The following MSH5 variants were observed in gnomAD, a reference collection of about 807,000 sequenced individuals.
The protein encoded by MSH5 is mutS homolog 5, also known as mutS protein homolog 5.
Under a neutral mutation model 107.7 loss-of-function variants are expected in MSH5, and 78 were observed. The observed-to-expected ratio is 0.72, with a 90% CI of 0.60 to 0.87. The LOEUF (loss-of-function observed/expected upper bound fraction) is 0.87, where lower values mean the gene tolerates loss of function less well. MSH5 is among the 40% of genes least tolerant of loss of function. The pLI, the probability that MSH5 is intolerant of heterozygous loss-of-function variation, is 0.00. For synonymous variants in MSH5, 326 were observed against 399.5 expected (o/e 0.82, Z 2.19); for missense variants, 889 against 1,046.6 (o/e 0.85, Z 2.08).
chr6:31,741,254 C>T lies in MSH5; in HGVS notation c.239C>T (p.Pro80Leu). The change falls in exon 3 of 25, where the codon CCA (proline) becomes CTA (leucine). Residue 80 changes from proline to leucine, a missense_variant. By Grantham distance (98) the Pro-to-Leu change is moderately conservative (BLOSUM62 -3). This residue lies in a region of MSH5 where 518 missense variants were observed against 565.0 expected (regional missense o/e 0.92). Coordinates refer to ENST00000375750, the MANE Select transcript of MSH5 (RefSeq NM_172166.4). ...DSTIHFMPDA[P>L]DHESLKLLQR... is the part of the protein sequence containing the mutation. ...ACTATCCACTTCATGCCAGATGCCC[C>T]AGACCACGAGAGCCTCAAGCTTCTC... 1 of 1,612,756 alleles carries T rather than the reference C, an allele frequency of 6.2e-7. No individual in the cohort carries two copies. Among genetic ancestry groups the T allele is most frequent in the Non-Finnish European group, 8.5e-7 (1 of 1,179,970 alleles).
chr6:31,740,837 T>A lies in MSH5; in HGVS notation c.147+224T>A, dbSNP rs1221128975. On this transcript the variant is annotated intron_variant, in intron 2 of 24. Coordinates refer to ENST00000375750, the MANE Select transcript of MSH5 (RefSeq NM_172166.4). This position sits in a 1 kb window ranked among gnomAD's most constrained non-coding sequence, Gnocchi z 4.4. Reference sequence around the variant, plus strand: ...TTAGCCGAGCGTGGTGGCACGTGCCTGTTATCCCAGCTACTGGGAAGGCTG... The same window carrying A: ...TTAGCCGAGCGTGGTGGCACGTGCCAGTTATCCCAGCTACTGGGAAGGCTG... Among the ~76,000 whole-genome samples, 1 of 152,068 alleles carries A rather than the reference T, an allele frequency of 6.6e-6. No homozygotes were observed. The highest frequency in any genetic ancestry group is 1.5e-5 in the Non-Finnish European group (1 of 67,996).
intron 3 of MSH5, 91 bp downstream of exon 3, chr6:31,741,377 ACACACATAT>A (rs1452158076): frequency 4.4e-6 from 4 of 899,392 alleles, no homozygotes; most frequent in Admixed American, 5.6e-5. Flanking sequence ...ACACACACAC[ACACACATAT>A]TTTTTTTTTC....
At chr6:31,762,275 C>G in intron 24 of MSH5, 90 bp downstream of exon 24, 1 of 1,486,644 alleles carries the variant, frequency 6.7e-7, no homozygotes, top group Non-Finnish European at 9.4e-7. Context: ...TCCTCCAGCA[C>G]TTTGCCCTTC....
rs1583904831 is a variant in MSH5, at chr6:31,743,900, A to G, written c.416-4A>G. 6.2e-7 allele frequency: 1 copy of G among 1,612,646 alleles called. No homozygotes were observed. The highest frequency in any genetic ancestry group is 1.7e-5 in the Admixed American group (1 of 59,886). ...CGTTCCCTTTGCTTGCCTCCCTCAA[A>G]TAGGTCTGGAGATAAGCAAACAACG... On this transcript the variant is annotated splice_region_variant and splice_polypyrimidine_tract_variant and intron_variant, in intron 5 of 24. Transcript: ENST00000375750.
At chr6:31,741,386 T>TA in intron 3 of MSH5, 100 bp downstream of exon 3, 5 of 1,052,058 alleles carry the variant, frequency 4.8e-6, no homozygotes, top group Non-Finnish European at 6.6e-6. Flanking sequence ...CACACACATA[T>TA]TTTTTTTTTC....
At chr6:31,754,514 CGTTT>C (rs1364135520) in intron 12 of MSH5, among the ~76,000 whole-genome samples, 2 of 151,824 alleles carry the variant, frequency 1.3e-5, no homozygotes, top group Non-Finnish European at 2.9e-5. Flanking sequence ...GTTTTGTTGT[CGTTT>C]GTTTGTTTTT....
intron 12 of MSH5, 197 bp from the exon 13 acceptor site, chr6:31,757,968 C>T: frequency 1.5e-6 from 1 of 673,054 alleles, no homozygotes; most frequent in East Asian, 2.7e-5. Context: ...CTGTGCCTGG[C>T]CAGGACCATA....
chr6:31,759,720 G>C lies in MSH5; in HGVS notation c.1496-66G>C. On this transcript the variant is annotated intron_variant, in intron 17 of 24. Coordinates refer to ENST00000375750, the MANE Select transcript of MSH5 (RefSeq NM_172166.4). The surrounding 1 kb of genome is among the most constrained non-coding windows in gnomAD (Gnocchi z 4.7). ...CAACCTGTTTCCAGATCCCCCTAGG[G>C]GCCTCTGCCTCTCCTTCACTTTCCC... is the stretch of plus-strand genomic sequence containing the variant. 6.4e-7 allele frequency: 1 copy of C among 1,562,034 alleles called. No homozygotes were observed. The highest frequency in any genetic ancestry group is 8.7e-7 in the Non-Finnish European group (1 of 1,146,434).
At chr6:31,757,775 T>G in intron 12 of MSH5, 1 of 260,540 alleles carries the variant, frequency 3.8e-6, no homozygotes, top group Non-Finnish European at 7.3e-6. Flanking sequence ...GTTCAAGAGA[T>G]TCTCCTGCCT....
rs1445333246 is a variant in MSH5, at chr6:31,760,162, G to A, written c.1758G>A (p.Arg586=). 1.9e-6 allele frequency: 3 copies of A among 1,611,702 alleles called. No homozygotes were observed. The highest frequency in any genetic ancestry group is 2.7e-5 in the African/African-American group (2 of 74,840). Residue 586 remains arginine, a synonymous_variant, in exon 19 of 25, where the codon AGG becomes AGA. Coordinates refer to ENST00000375750, the MANE Select transcript of MSH5 (RefSeq NM_172166.4). The surrounding 1 kb of genome is among the most constrained non-coding windows in gnomAD (Gnocchi z 5.6). ...NSTECGGDKG[R]VKVITGPNSS... ...CAGAATGTGGTGGGGACAAAGGGAG[G>A]GTCAAAGTCATCACTGGACCCAACT...
rs995088129 is a variant in MSH5, at chr6:31,761,371, C to T, written c.2038-101C>T. 9 of 1,602,944 alleles carry T rather than the reference C, an allele frequency of 5.6e-6. No individual in the cohort carries two copies. The African/African-American group carries it at 8.0e-5, about 14-fold the overall frequency. ...CTGGAATGGAATAGGGCTGTGTGGG[C>T]AGAAAAGAAATAGAACACGAGACAG... On this transcript the variant is annotated intron_variant, in intron 21 of 24. Transcript: ENST00000375750. This position sits in a 1 kb window ranked among gnomAD's most constrained non-coding sequence, Gnocchi z 5.3.
In MSH5 at chr6:31,758,991, C is replaced by CT. The variant is rs764437973; in HGVS notation, c.1327-100dup. 1.4e-6 allele frequency: 2 copies of CT among 1,419,584 alleles called. No homozygotes were observed. The highest frequency in any genetic ancestry group is 1.7e-5 in the Admixed American group (1 of 59,100). 87.9% of individuals were successfully genotyped at this position (1,419,584 alleles called of 1,614,324 possible). A position where few individuals can be genotyped will look rare whatever the true frequency, so the allele number is the denominator to read the frequency against. ...TGGGGCAGCCTGAAGAACATGAACA[C>CT]TTTTTTGTGGGGATACAGGGATCTT... On this transcript the variant is annotated intron_variant, in intron 15 of 24. Transcript: ENST00000375750. This position sits in a 1 kb window ranked among gnomAD's most constrained non-coding sequence, Gnocchi z 5.1.
intron 10 of MSH5, among the ~76,000 whole-genome samples, chr6:31,750,825 G>A (rs2299851): frequency 0.091 from 13,826 of 152,148 alleles, 818 homozygotes; most frequent in Admixed American, 0.16. Flanking sequence ...GACCTAGTGT[G>A]TGCACATGTT....
chr6:31,743,843 T>G (rs1159102310), intron 5 of MSH5, 61 bp from the exon 6 acceptor site: 1 of 1,589,146 alleles, frequency 6.3e-7, no homozygotes, highest in African/African-American at 1.4e-5. Context: ...GTCTCATTCT[T>G]AAAATGGGGT....
chr6:31,755,649 A>AG (rs1810387832), intron 12 of MSH5, among the ~76,000 whole-genome samples: 1 of 152,120 alleles, frequency 6.6e-6, no homozygotes, highest in Non-Finnish European at 1.5e-5. Flanking sequence ...GGCGTGAGCC[A>AG]TTGCACCTGA....
chr6:31,749,130 G>A (rs1367579851), intron 10 of MSH5, among the ~76,000 whole-genome samples: 1 of 151,760 alleles, frequency 6.6e-6, no homozygotes, highest in South Asian at 2.1e-4. Flanking sequence ...TGGCCACGCT[G>A]GTCTTGAACT....
chr6:31,746,137 C>G (rs996295116), intron 9 of MSH5: 1 of 116,878 alleles, frequency 8.6e-6, no homozygotes, highest in African/African-American at 3.5e-5. Context: ...GCTCTTGTCC[C>G]CCAGGCTGGA....
At chr6:31,742,727 T>C in intron 3 of MSH5, 150 bp from the exon 4 acceptor site, 1 of 690,712 alleles carries the variant, frequency 1.4e-6, no homozygotes, top group Non-Finnish European at 2.5e-6. Context: ...TCTCAACTTC[T>C]ACCTGTGTTC....
intron 9 of MSH5, among the ~76,000 whole-genome samples, chr6:31,746,768 A>G (rs1414676642): frequency 6.9e-6 from 1 of 144,218 alleles, no homozygotes; most frequent in East Asian, 2.2e-4. Context: ...GAGTTTTTGT[A>G]TTTTTGGAGG....
Sources: gnomAD v4.1 joint callset for allele counts (sites outside exome capture counted in the v4.1 genomes callset) on GRCh38, gnomAD v4.1.1 for gene constraint, gnomAD v4.1.1 regional missense constraint, Gnocchi (gnomAD v3.1) non-coding constraint, MANE v1.5 for transcripts, NCBI Gene and HGNC (gene_info 2026-07-23, HGNC 2026-07-21) for gene names.